The following STX18 variants were observed in gnomAD, a reference collection of about 807,000 sequenced individuals.
STX18 encodes syntaxin-18.
Under a neutral mutation model 50.1 loss-of-function variants are expected in STX18, and 40 were observed. That is an observed-to-expected ratio of 0.80 (90% confidence interval 0.62 to 1.04). The LOEUF (loss-of-function observed/expected upper bound fraction) is 1.04. Among genes scored for constraint, STX18 ranks in the 50% least tolerant of loss-of-function variants. The pLI is 0.00. For missense variants in STX18, 410 were observed against 415.8 expected (o/e 0.99, Z 0.12); for synonymous variants, 158 against 151.8 (o/e 1.04, Z -0.30).
rs575356477 is a variant in STX18 at position 4,470,039 on chromosome 4, G to A, written c.236+1600C>T. ...ACCTATGACCTAATGTACTATACAC[G>A]TAGTGCTTGTCTTTGCCAGCCCACG... On this transcript the variant is annotated intron_variant, in intron 2 of 10. Transcript: ENST00000306200. 7.8e-4 allele frequency among the ~76,000 whole-genome samples: 118 copies of A among 152,234 alleles called. 1 individual carries two copies. Among genetic ancestry groups the A allele is most frequent in the South Asian group, 2.3e-3 (11 of 4,820 alleles).
At chr4:4,531,857 A>G (rs1308901827) in intron 1 of STX18, among the ~76,000 whole-genome samples, 1 of 152,248 alleles carries the variant, frequency 6.6e-6, no homozygotes. Context: ...AAAAGATTAA[A>G]CAAAAAACAA....
intron 5 of STX18, among the ~76,000 whole-genome samples, chr4:4,439,513 T>C (rs1725990844): frequency 8.3e-6 from 1 of 120,384 alleles, no homozygotes; most frequent in Admixed American, 1.1e-4. Flanking sequence ...CCCCCACATA[T>C]ACATACACAT....
chr4:4,534,824 A>C lies in STX18; in HGVS notation c.168+6973T>G, dbSNP rs182631411. ...CGCTCTGCTGCTACAGCATGAAAGC[A>C]TTCTTGGCCTATATTTAAACAAATG... On this transcript the variant is annotated intron_variant, in intron 1 of 10. Coordinates refer to ENST00000306200, the MANE Select transcript of STX18 (RefSeq NM_016930.4). 5.1e-3 allele frequency among the ~76,000 whole-genome samples: 781 copies of C among 152,396 alleles called. 17 individuals carry two copies. The highest frequency in any genetic ancestry group is 2.4e-3 in the Non-Finnish European group (166 of 68,036).
intron 7 of STX18, among the ~76,000 whole-genome samples, chr4:4,431,223 T>C (rs1725502631): frequency 6.6e-6 from 1 of 152,182 alleles, no homozygotes; most frequent in Non-Finnish European, 1.5e-5. Flanking sequence ...AGGTAAACTC[T>C]TCTTAAATAC....
rs369024695 is a variant in STX18, at chr4:4,420,827, C to G, written c.912+37G>C. ...CACCCGCTGCTGGGACTCAGTGCTG[C>G]GCCACGTCGCACCTGGGGAACCTAA... On this transcript the variant is annotated intron_variant, in intron 10 of 10. Coordinates refer to ENST00000306200, the MANE Select transcript of STX18 (RefSeq NM_016930.4). This position sits in a 1 kb window ranked among gnomAD's most constrained non-coding sequence, Gnocchi z 4.3. 6.3e-7 allele frequency: 1 copy of G among 1,577,802 alleles called. No individual in the cohort carries two copies.
At chr4:4,471,216 A>G (rs1374555755) in intron 2 of STX18, among the ~76,000 whole-genome samples, 1 of 152,228 alleles carries the variant, frequency 6.6e-6, no homozygotes, top group Non-Finnish European at 1.5e-5. Flanking sequence ...AAATGTGCTC[A>G]TGAGAACGTC....
intron 1 of STX18, among the ~76,000 whole-genome samples, chr4:4,526,167 C>T (rs142842721): frequency 7.4e-4 from 112 of 152,280 alleles, no homozygotes; most frequent in African/African-American, 2.5e-3. Flanking sequence ...CAACATCTTC[C>T]GTGCAGTGGC....
chr4:4,522,021 G>T (rs1242091965), intron 1 of STX18, among the ~76,000 whole-genome samples: 2 of 152,084 alleles, frequency 1.3e-5, no homozygotes, highest in Non-Finnish European at 2.9e-5. Flanking sequence ...TACTGTACAG[G>T]ACAGAGGGTA....
intron 1 of STX18, among the ~76,000 whole-genome samples, chr4:4,524,972 A>T (rs749626054): frequency 3.3e-5 from 5 of 152,170 alleles, no homozygotes; most frequent in Non-Finnish European, 5.9e-5. Flanking sequence ...AAAAGAAAAG[A>T]AAAGAAGCTA....
chr4:4,494,448 G>T (rs2108868576), intron 1 of STX18, among the ~76,000 whole-genome samples: 1 of 152,130 alleles, frequency 6.6e-6, no homozygotes, highest in African/African-American at 2.4e-5. Context: ...TCACTTACAA[G>T]GCAATGGATT....
intron 1 of STX18, among the ~76,000 whole-genome samples, chr4:4,524,540 A>G (rs1160376872): frequency 6.6e-6 from 1 of 152,172 alleles, no homozygotes; most frequent in Non-Finnish European, 1.5e-5. Context: ...CTCTTCCTCC[A>G]GAGGGGGCAT....
Position 4,422,584 on chromosome 4 carries a change from GAAAAAGAAAA to G in STX18, c.831+924_831+933del, listed in dbSNP as rs1164939273. Among the ~76,000 whole-genome samples the G allele has an allele frequency of 4.1e-5, 6 of 144,760 alleles. No individual in the cohort carries two copies. In the East Asian group the frequency reaches 9.9e-4, roughly 24 times the overall value. 95.0% of individuals were successfully genotyped at this position (144,760 alleles called of 152,430 possible). ...ACTCTGTCTCCAAAAAAAAAAAAAA[GAAAAAGAAAA>G]AAAAAGAAAAGAAAAAGAAACTCCC... On this transcript the variant is annotated intron_variant, in intron 9 of 10. Transcript: ENST00000306200.
intron 1 of STX18, among the ~76,000 whole-genome samples, chr4:4,526,613 C>T (rs1404558354): frequency 1.3e-5 from 2 of 152,100 alleles, no homozygotes; most frequent in East Asian, 1.9e-4. Context: ...GTTGAGTCAA[C>T]GGGAAAGTAT....
chr4:4,444,206 T>C (rs1726267618), intron 5 of STX18, among the ~76,000 whole-genome samples: 1 of 152,158 alleles, frequency 6.6e-6, no homozygotes, highest in Non-Finnish European at 1.5e-5. Context: ...TTACAAGCAG[T>C]AGTGGTTCTC....
chr4:4,500,872 C>G (rs780685985), intron 1 of STX18, among the ~76,000 whole-genome samples: 1 of 152,054 alleles, frequency 6.6e-6, no homozygotes, highest in Non-Finnish European at 1.5e-5. Flanking sequence ...CCTGTCTCTA[C>G]TAAAAAATAC....
chr4:4,490,330 T>G (rs1056414143), intron 1 of STX18, among the ~76,000 whole-genome samples: 2 of 152,174 alleles, frequency 1.3e-5, no homozygotes, highest in African/African-American at 4.8e-5. Context: ...ACAGTATTAC[T>G]CTAATAGAAC....
intron 7 of STX18, among the ~76,000 whole-genome samples, chr4:4,427,878 G>A (rs1725333730): frequency 6.6e-6 from 1 of 152,236 alleles, no homozygotes; most frequent in Admixed American, 6.5e-5. Context: ...CTAGTCCCTA[G>A]AGGAAGAGAA....
chr4:4,479,633 A>G (rs546490120), intron 1 of STX18, among the ~76,000 whole-genome samples: 1 of 152,332 alleles, frequency 6.6e-6, no homozygotes, highest in South Asian at 2.1e-4. Context: ...TCTTTCTCCA[A>G]AGATAAATCA....
chr4:4,502,169 G>A (rs1032595788), intron 1 of STX18, among the ~76,000 whole-genome samples: 2 of 152,126 alleles, frequency 1.3e-5, no homozygotes, highest in African/African-American at 4.8e-5. Context: ...TACCTCGAAA[G>A]CACTATAGGC....
Sources: allele counts gnomAD v4.1 joint callset (sites outside exome capture counted in the v4.1 genomes callset), GRCh38; gene constraint gnomAD v4.1.1; non-coding constraint Gnocchi (gnomAD v3.1); transcripts MANE v1.5; gene names NCBI Gene and HGNC (gene_info 2026-07-23, HGNC 2026-07-21).